The following PPEF1 variants were observed in gnomAD, a reference collection of about 807,000 sequenced individuals.
PPEF1 encodes protein phosphatase with EF-hand domain 1, also known as serine/threonine-protein phosphatase with EF-hands 1.
PPEF1 carries 12 observed loss-of-function variants against 53.3 expected under a neutral mutation model. That is an observed-to-expected ratio of 0.23 (90% confidence interval 0.14 to 0.36). The LOEUF (loss-of-function observed/expected upper bound fraction) is 0.36. Among genes scored for constraint, PPEF1 ranks in the 10% least tolerant of loss-of-function variants. The probability of loss-of-function intolerance (pLI) is 1.00; values close to 1 mark genes in which losing one functional copy is unlikely to be tolerated. For synonymous variants in PPEF1, 165 were observed against 176.7 expected, an observed-to-expected ratio of 0.93 and a Z score of 0.52; for missense variants, 334 against 490.4, an observed-to-expected ratio of 0.68 and a Z score of 3.01.
rs2045130490 is a variant in PPEF1, at chrX:18,740,628, C to G, written c.235+6820C>G. Among the ~76,000 whole-genome samples, 3 of 110,436 alleles carry G rather than the reference C, an allele frequency of 2.7e-5. No homozygotes were observed. The Admixed American group carries it at 2.9e-4, about 11-fold the overall frequency. ...GTTTGAGAATGTTGACCAGGTTGGTCTTGAACCCCTGACCTCGTGATCTGC... is the reference window on the plus strand; with the variant it reads ...GTTTGAGAATGTTGACCAGGTTGGTGTTGAACCCCTGACCTCGTGATCTGC... On this transcript the variant is annotated intron_variant, in intron 3 of 15. Transcript: ENST00000470157.
chrX:18,731,429 A>C (rs780408195), intron 2 of PPEF1, among the ~76,000 whole-genome samples: 1 of 112,727 alleles, frequency 8.9e-6, no homozygotes, highest in East Asian at 2.8e-4. Flanking sequence ...AGCTAGAAAA[A>C]TGATATACTG....
intron 4 of PPEF1, among the ~76,000 whole-genome samples, chrX:18,756,106 CTT>C (rs2045544324): frequency 9.0e-6 from 1 of 110,785 alleles, no homozygotes; most frequent in African/African-American, 3.3e-5. Flanking sequence ...CGGAAAATGA[CTT>C]TTCATTATTT....
intron 9 of PPEF1, among the ~76,000 whole-genome samples, chrX:18,786,116 C>T (rs2046192357): frequency 8.9e-6 from 1 of 112,306 alleles, no homozygotes; most frequent in South Asian, 3.7e-4. Context: ...TCACCACCTG[C>T]CCTATGACTA....
At chrX:18,782,537 A>G in intron 8 of PPEF1, 135 bp downstream of exon 8, 1 of 457,415 alleles carries the variant, frequency 2.2e-6, no homozygotes, top group Non-Finnish European at 3.6e-6. Context: ...CATGCCAATA[A>G]AATACAAGCA....
At chrX:18,740,152 G>A (rs1033508847) in intron 3 of PPEF1, among the ~76,000 whole-genome samples, 16 of 111,957 alleles carry the variant, frequency 1.4e-4, no homozygotes, top group Non-Finnish European at 2.6e-4. Flanking sequence ...CAATAAGCCC[G>A]AGTGAGATGA....
intron 3 of PPEF1, among the ~76,000 whole-genome samples, chrX:18,690,186 G>T (rs1387381455): frequency 9.0e-6 from 1 of 110,690 alleles, no homozygotes; most frequent in Non-Finnish European, 1.9e-5. Flanking sequence ...CATAATAGAT[G>T]CTCAACAAAT....
intron 1 of PPEF1, among the ~76,000 whole-genome samples, chrX:18,714,275 TTG>T (rs200559273): frequency 1.4e-4 from 8 of 55,514 alleles, no homozygotes; most frequent in African/African-American, 2.7e-4. Context: ...TTTCGTTTTT[TTG>T]TTTTTTTTTT....
intron 3 of PPEF1, chrX:18,690,835 G>A (rs370236709): frequency 8.9e-6 from 1 of 112,477 alleles, no homozygotes; most frequent in African/African-American, 3.2e-5. Flanking sequence ...AGGTCATGTC[G>A]TCCACATTCC....
chrX:18,808,261 G>A lies in PPEF1; in HGVS notation c.1394+1716G>A, dbSNP rs770962849. 4.4e-3 allele frequency among the ~76,000 whole-genome samples: 481 copies of A among 110,068 alleles called. 5 individuals carry two copies. The highest frequency in any genetic ancestry group is 0.019 in the Middle Eastern group (4 of 214). On this transcript the variant is annotated intron_variant, in intron 12 of 15. Transcript: ENST00000470157. ...ATTACAGTAGTGAGCCACCACGCCCGGCCGTACGTATATTTTTTAAAGAAA... is the reference window on the plus strand; with the variant it reads ...ATTACAGTAGTGAGCCACCACGCCCAGCCGTACGTATATTTTTTAAAGAAA...
rs112136764 is a variant in PPEF1 at position 18,699,189 on chromosome X, G to A, written c.-225-1144G>A. On this transcript the variant is annotated intron_variant, in intron 5 of 21. Transcript: ENST00000361511. The stretch of plus-strand genomic sequence containing the variant: ...CCCCACCATGGAAACCTGAGTGGTC[G>A]TATTGCCTCATAATGAGGCCCTCTG... 8.4e-3 allele frequency among the ~76,000 whole-genome samples: 930 copies of A among 111,225 alleles called. 4 individuals are homozygous for A. Among genetic ancestry groups the A allele is most frequent in the Non-Finnish European group, 0.012 (660 of 53,008 alleles).
chrX:18,788,053 A>T (rs1356150507), intron 9 of PPEF1, among the ~76,000 whole-genome samples: 1 of 112,169 alleles, frequency 8.9e-6, no homozygotes, highest in South Asian at 3.7e-4. Flanking sequence ...GCAGTGGCTC[A>T]CGCCTGTAAT....
chrX:18,745,890 T>C (rs1319366997), intron 3 of PPEF1, among the ~76,000 whole-genome samples: 2 of 112,217 alleles, frequency 1.8e-5, no homozygotes, highest in Admixed American at 9.5e-5. Flanking sequence ...CAAAAATAAC[T>C]ATAAATGTAG....
At position 18,709,508 on chromosome X, in the gene PPEF1, TG is replaced by T. The variant is rs757169842; in HGVS notation, c.46+1683del. Among the ~76,000 whole-genome samples the T allele has an allele frequency of 5.0e-3, 542 of 107,589 alleles. 4 individuals carry two copies. Among genetic ancestry groups the T allele is most frequent in the Middle Eastern group, 0.019 (4 of 213 alleles). 93.4% of individuals were successfully genotyped at this position (107,589 alleles called of 115,157 possible). A position where few individuals can be genotyped will look rare whatever the true frequency, so the allele number is the denominator to read the frequency against. ...TGTTTCAGCTTTGTTTTTTGTTTTT[TG>T]TTTTTTTTGAGACAGTCTTGCTCTG... On this transcript the variant is annotated intron_variant, in intron 1 of 15. Coordinates refer to ENST00000470157, the MANE Select transcript of PPEF1 (RefSeq NM_001377996.1).
At chrX:18,763,697 T>G (rs2045712115) in intron 6 of PPEF1, among the ~76,000 whole-genome samples, 1 of 111,829 alleles carries the variant, frequency 8.9e-6, no homozygotes, top group East Asian at 2.8e-4. Flanking sequence ...CCAAAAGCAT[T>G]TTTAAAATAA....
chrX:18,756,732 G>T (rs1333482349), intron 4 of PPEF1, among the ~76,000 whole-genome samples: 1 of 112,290 alleles, frequency 8.9e-6, no homozygotes, highest in East Asian at 2.8e-4. Context: ...AAGACCCAGA[G>T]AAATTATTTT....
At chrX:18,786,822 A>T (rs1362281308) in intron 9 of PPEF1, among the ~76,000 whole-genome samples, 1 of 107,879 alleles carries the variant, frequency 9.3e-6, no homozygotes, top group Admixed American at 9.9e-5. Context: ...AAAATGGCAT[A>T]TACTACTAAA....
rs1328190861 is a variant in PPEF1 at position 18,721,837 on chromosome X, G to A, written c.47-8344G>A. ...GAATGACACAATTATGATCTCTTTT[G>A]TCCCTTAGGGAAAGTGATAGTTGTG... On this transcript the variant is annotated intron_variant, in intron 1 of 15. Transcript: ENST00000470157. 2.7e-5 allele frequency among the ~76,000 whole-genome samples: 3 copies of A among 112,219 alleles called. No individual in the cohort carries two copies. In the East Asian group the frequency reaches 8.4e-4, roughly 31 times the overall value.
chrX:18,818,782 T>G (rs772555313), intron 13 of PPEF1, among the ~76,000 whole-genome samples: 1 of 112,089 alleles, frequency 8.9e-6, no homozygotes, highest in African/African-American at 3.2e-5. Context: ...CACAGTAACG[T>G]GAATCTTCCA....
At chrX:18,794,332 T>C (rs1051988376) in intron 10 of PPEF1, among the ~76,000 whole-genome samples, 2 of 112,965 alleles carry the variant, frequency 1.8e-5, no homozygotes, top group Non-Finnish European at 3.7e-5. Flanking sequence ...TCCATTGTTT[T>C]CAACAGTGCC....
Sources: gnomAD v4.1 joint callset for allele counts (sites outside exome capture counted in the v4.1 genomes callset) on GRCh38, gnomAD v4.1.1 for gene constraint, MANE v1.5 for transcripts, NCBI Gene and HGNC (gene_info 2026-07-23, HGNC 2026-07-21) for gene names.